Variants in SLIT3 observed in about 807,000 individuals in gnomAD.
The protein encoded by SLIT3 is slit guidance ligand 3, also known as slit homolog 3 protein.
SLIT3 carries 68 observed loss-of-function variants against 184.0 expected under a neutral mutation model. The observed-to-expected ratio is 0.37, with a 90% confidence interval of 0.30 to 0.45. The LOEUF (loss-of-function observed/expected upper bound fraction) is 0.45, where lower values mean the gene tolerates loss of function less well. SLIT3 is among the 20% of genes least tolerant of loss of function. The pLI, the probability that SLIT3 is intolerant of heterozygous loss-of-function variation, is 1.00. For synonymous variants in SLIT3, 831 were observed against 828.6 expected (o/e 1.00, Z -0.05); for missense variants, 1,707 against 2,026.0 (o/e 0.84, Z 3.02).
chr5:169,109,646 C>T (rs1485163668), intron 4 of SLIT3, among the ~76,000 whole-genome samples: 2 of 152,196 alleles, frequency 1.3e-5, no homozygotes, highest in East Asian at 3.8e-4. Context: ...AAGAACAAAA[C>T]TAAGGGACTC....
chr5:169,102,899 C>T (rs1173210219), intron 4 of SLIT3, among the ~76,000 whole-genome samples: 1 of 152,228 alleles, frequency 6.6e-6, no homozygotes, highest in African/African-American at 2.4e-5. Context: ...ACATACAAAT[C>T]ACAAGTCACC....
chr5:169,072,194 C>T (rs1377611401), intron 4 of SLIT3, among the ~76,000 whole-genome samples: 2 of 152,104 alleles, frequency 1.3e-5, no homozygotes, highest in East Asian at 3.9e-4. Flanking sequence ...AGTGTCCATG[C>T]ATGTAAGAGT....
intron 20 of SLIT3, among the ~76,000 whole-genome samples, chr5:168,734,454 C>T (rs1763375474): frequency 1.3e-5 from 2 of 152,308 alleles, no homozygotes; most frequent in Middle Eastern, 6.8e-3. Context: ...GTCTCTCCTC[C>T]CTCCTTGCCA....
chr5:168,786,797 G>C (rs1009649557), intron 11 of SLIT3, among the ~76,000 whole-genome samples: 1 of 152,146 alleles, frequency 6.6e-6, no homozygotes, highest in Non-Finnish European at 1.5e-5. Flanking sequence ...AAAGGCACTA[G>C]AGAAGCTCGG....
intron 4 of SLIT3, chr5:169,024,789 T>C (rs949597876): frequency 3.3e-5 from 5 of 152,062 alleles, no homozygotes; most frequent in Admixed American, 2.0e-4. Flanking sequence ...ATAGCAGTGA[T>C]GCAAGAAAGA....
At chr5:168,868,747 C>CAAAAAAAAAAAAA (rs375837097) in intron 5 of SLIT3, among the ~76,000 whole-genome samples, 10 of 69,212 alleles carry the variant, frequency 1.4e-4, no homozygotes, top group African/African-American at 2.2e-4. Context: ...GAATCTGCCT[C>CAAAAAAAAAAAAA]AAAAAAAAAA....
chr5:169,043,251 C>A (rs1232135968), intron 4 of SLIT3, among the ~76,000 whole-genome samples: 1 of 152,146 alleles, frequency 6.6e-6, no homozygotes, highest in Non-Finnish European at 1.5e-5. Context: ...TCATTTAGGT[C>A]TTGTTAGTAA....
In SLIT3 at chr5:169,002,789, A is replaced by G. The variant is rs141432811; in HGVS notation, c.414-119453T>C. 1.3e-3 allele frequency among the ~76,000 whole-genome samples: 198 copies of G among 152,356 alleles called. 3 individuals are homozygous for G. The highest frequency in any genetic ancestry group is 4.5e-3 in the African/African-American group (188 of 41,592). ...TTAGCTAATTTTGCCATAGAGGCAC[A>G]AAACTTGTACTACTGTTTACTTGTT... On this transcript the variant is annotated intron_variant, in intron 4 of 35. Coordinates refer to ENST00000519560, the MANE Select transcript of SLIT3 (RefSeq NM_003062.4).
intron 2 of SLIT3, among the ~76,000 whole-genome samples, chr5:169,249,079 C>A (rs1765689863): frequency 6.6e-6 from 1 of 151,998 alleles, no homozygotes; most frequent in Admixed American, 6.6e-5. Context: ...TGAAAAAAAT[C>A]TTTTTAAAAA....
intron 1 of SLIT3, among the ~76,000 whole-genome samples, chr5:169,295,945 A>G (rs964602451): frequency 2.6e-5 from 4 of 152,086 alleles, no homozygotes; most frequent in East Asian, 1.9e-4. Context: ...CAGGATTTCC[A>G]GTTCTTTTCA....
chr5:168,913,741 CA>C (rs67241643), intron 4 of SLIT3, among the ~76,000 whole-genome samples: 12 of 130,974 alleles, frequency 9.2e-5, no homozygotes, highest in East Asian at 4.3e-4. Context: ...AACTCCGTCT[CA>C]AAAAAAAAAA....
At chr5:168,965,008 T>G (rs770342547) in intron 4 of SLIT3, among the ~76,000 whole-genome samples, 29 of 152,138 alleles carry the variant, frequency 1.9e-4, no homozygotes, top group Admixed American at 3.9e-4. Context: ...AGGGCACATC[T>G]CTAAGGAAGC....
intron 26 of SLIT3, among the ~76,000 whole-genome samples, chr5:168,703,570 T>A (rs1298611729): frequency 6.6e-6 from 1 of 152,088 alleles, no homozygotes; most frequent in Non-Finnish European, 1.5e-5. Context: ...AGTTTCATCC[T>A]GAGACCATGC....
chr5:168,925,528 T>C (rs1160659693), intron 4 of SLIT3, among the ~76,000 whole-genome samples: 1 of 152,158 alleles, frequency 6.6e-6, no homozygotes, highest in East Asian at 1.9e-4. Context: ...AGATACTGAA[T>C]CACAACCACA....
chr5:169,294,252 G>A (rs1269550712), intron 1 of SLIT3, among the ~76,000 whole-genome samples: 2 of 125,540 alleles, frequency 1.6e-5, no homozygotes, highest in African/African-American at 2.9e-5. Context: ...TAGAAGGAAT[G>A]AGCATTGAAA....
At chr5:168,891,340 CG>C (rs926774880) in intron 4 of SLIT3, among the ~76,000 whole-genome samples, 1 of 152,040 alleles carries the variant, frequency 6.6e-6, no homozygotes, top group Admixed American at 6.6e-5. Context: ...CTCAGGAGCC[CG>C]GGGAGGCTGA....
chr5:169,007,716 T>C (rs940734901), intron 4 of SLIT3, among the ~76,000 whole-genome samples: 2 of 152,254 alleles, frequency 1.3e-5, no homozygotes, highest in Admixed American at 6.5e-5. Flanking sequence ...ATAGCGTTTC[T>C]TCCCGAGAGT....
At chr5:168,670,856 C>T (rs983098663) in intron 34 of SLIT3, among the ~76,000 whole-genome samples, 2 of 152,150 alleles carry the variant, frequency 1.3e-5, no homozygotes, top group Non-Finnish European at 1.5e-5. Context: ...TTATATACAC[C>T]TGGTGCCTTG....
intron 34 of SLIT3, among the ~76,000 whole-genome samples, chr5:168,670,840 G>A (rs1191932072): frequency 6.6e-6 from 1 of 152,208 alleles, no homozygotes; most frequent in Non-Finnish European, 1.5e-5. Context: ...GTGGTTTGAT[G>A]TGTGGTTATA....
Sources: allele counts gnomAD v4.1 joint callset (sites outside exome capture counted in the v4.1 genomes callset), GRCh38; gene constraint gnomAD v4.1.1; transcripts MANE v1.5; gene names NCBI Gene and HGNC (gene_info 2026-07-23, HGNC 2026-07-21).